Variants in NPSR1 observed in about 807,000 individuals in gnomAD.
NPSR1 encodes neuropeptide S receptor.
In NPSR1, 48 loss-of-function variants were observed where a neutral mutation model predicts 46.9. The observed-to-expected ratio is 1.02, with a 90% CI of 0.81 to 1.30. The LOEUF (loss-of-function observed/expected upper bound fraction) is 1.30, where lower values mean the gene tolerates loss of function less well. NPSR1 is among the 50% of genes most tolerant of loss of function. The pLI is 0.00. For missense variants in NPSR1, 450 were observed against 449.5 expected (o/e 1.00, Z -0.01); for synonymous variants, 176 against 168.1 (o/e 1.05, Z -0.36).
chr7:34,871,798 C>A (rs1405513306), intron 8 of NPSR1, among the ~76,000 whole-genome samples: 6 of 151,944 alleles, frequency 3.9e-5, no homozygotes, highest in Non-Finnish European at 5.9e-5. Context: ...TGGGTGGGCT[C>A]CCAAGGCCTT....
At chr7:34,830,950 C>T (rs1584114019) in intron 5 of NPSR1, among the ~76,000 whole-genome samples, 1 of 152,170 alleles carries the variant, frequency 6.6e-6, no homozygotes, top group Non-Finnish European at 1.5e-5. Flanking sequence ...CCAAGCTCAC[C>T]TTGCCTTGTT....
chr7:34,794,226 T>C (rs1788072352), intron 3 of NPSR1, among the ~76,000 whole-genome samples: 1 of 152,170 alleles, frequency 6.6e-6, no homozygotes, highest in Non-Finnish European at 1.5e-5. Context: ...GGATTTTAAA[T>C]GTTCTCACCA....
chr7:34,755,666 G>A (rs1019033404), intron 2 of NPSR1, among the ~76,000 whole-genome samples: 1 of 151,744 alleles, frequency 6.6e-6, no homozygotes, highest in South Asian at 2.1e-4. Flanking sequence ...TTTATTATTT[G>A]TGCTACCTGA....
chr7:34,802,029 A>G (rs2128747639), intron 3 of NPSR1, among the ~76,000 whole-genome samples: 1 of 149,654 alleles, frequency 6.7e-6, no homozygotes, highest in African/African-American at 2.6e-5. Flanking sequence ...GACCTCTTCA[A>G]GGAGAACTAC....
intron 2 of NPSR1, among the ~76,000 whole-genome samples, chr7:34,710,267 C>A (rs1783209752): frequency 6.6e-6 from 1 of 152,106 alleles, no homozygotes; most frequent in South Asian, 2.1e-4. Context: ...TGGATTATTC[C>A]CAATTCTTTT....
chr7:34,779,855 A>C (rs1051296191), intron 3 of NPSR1: 1 of 181,074 alleles, frequency 5.5e-6, no homozygotes, highest in Admixed American at 6.2e-5. Context: ...CTATTAGTCA[A>C]GAATTCAGGA....
At chr7:34,740,365 C>T (rs1389345447) in intron 2 of NPSR1, among the ~76,000 whole-genome samples, 1 of 151,540 alleles carries the variant, frequency 6.6e-6, no homozygotes, top group Non-Finnish European at 1.5e-5. Context: ...TCAGTACTTC[C>T]CCACCTGTGG....
chr7:34,756,746 C>T (rs570070824), intron 2 of NPSR1, among the ~76,000 whole-genome samples: 4 of 152,298 alleles, frequency 2.6e-5, no homozygotes, highest in South Asian at 4.1e-4. Flanking sequence ...CAAAGTCTAG[C>T]GACCTGAATT....
At chr7:34,838,599 G>T (rs1790460689) in intron 6 of NPSR1, among the ~76,000 whole-genome samples, 1 of 152,182 alleles carries the variant, frequency 6.6e-6, no homozygotes, top group Non-Finnish European at 1.5e-5. Context: ...AGTGTGAACA[G>T]AAGCTCACTT....
intron 2 of NPSR1, among the ~76,000 whole-genome samples, chr7:34,771,270 A>G (rs980896644): frequency 6.6e-6 from 1 of 152,146 alleles, no homozygotes; most frequent in Non-Finnish European, 1.5e-5. Context: ...TCCCGTCTCT[A>G]TGAAAATTTT....
Position 34,848,415 on chromosome 7 carries a change from C to T in NPSR1, c.845-68C>T, listed in dbSNP as rs1316503250. On this transcript the variant is annotated intron_variant, in intron 7 of 8. Coordinates refer to ENST00000360581, the MANE Select transcript of NPSR1 (RefSeq NM_207172.2). ...AGAACCTCTCAGGTAAAAGTCCAGT[C>T]AGGACCAACCAAAAGAGACCCCTCA... 3.5e-6 allele frequency: 5 copies of T among 1,423,720 alleles called. No individual in the cohort carries two copies. The East Asian group carries it at 9.1e-5, about 26-fold the overall frequency. The allele number at this position is 1,423,720 out of a possible 1,614,324, so 88.2% of individuals were successfully genotyped here.
intron 3 of NPSR1, among the ~76,000 whole-genome samples, chr7:34,787,178 T>A (rs1787502462): frequency 6.6e-6 from 1 of 152,286 alleles, no homozygotes; most frequent in East Asian, 1.9e-4. Flanking sequence ...ATATTCTGGA[T>A]AACTTAATGC....
intron 2 of NPSR1, among the ~76,000 whole-genome samples, chr7:34,773,358 AG>A (rs1217690273): frequency 6.6e-6 from 1 of 152,206 alleles, no homozygotes; most frequent in African/African-American, 2.4e-5. Context: ...TCTAGGATCA[AG>A]AGCTATCCTA....
rs1028471098 is a variant in NPSR1, at chr7:34,725,102, CACACACACACACACACACACACAG to C, written c.280+40433_280+40456del. Among the ~76,000 whole-genome samples the C allele has an allele frequency of 8.5e-4, 93 of 109,990 alleles. 2 individuals are homozygous for C. In the South Asian group the frequency reaches 0.023, roughly 27 times the overall value. 72.2% of individuals were successfully genotyped at this position (109,990 alleles called of 152,430 possible). A position where few individuals can be genotyped will look rare whatever the true frequency, so the allele number is the denominator to read the frequency against. On this transcript the variant is annotated intron_variant, in intron 2 of 8. Transcript: ENST00000360581. ...AAGTACCCACACACACACAGACTCA[CACACACACACACACACACACACAG>C]ACACACACACACACTCACACACACA...
At chr7:34,752,002 C>A in intron 2 of NPSR1, 1 of 810,812 alleles carries the variant, frequency 1.2e-6, no homozygotes. Context: ...TTGGCGATGG[C>A]ATGGCACACC....
chr7:34,874,729 T>C (rs13307778), intron 8 of NPSR1, among the ~76,000 whole-genome samples: 1 of 151,954 alleles, frequency 6.6e-6, no homozygotes, highest in African/African-American at 2.4e-5. Context: ...TAATTTAAAG[T>C]GAGCAGAGCC....
intron 2 of NPSR1, among the ~76,000 whole-genome samples, chr7:34,702,044 G>C (rs1167882209): frequency 1.3e-5 from 2 of 152,184 alleles, no homozygotes; most frequent in Non-Finnish European, 2.9e-5. Context: ...AGGTAATCCA[G>C]GGCTCGTGCT....
intron 8 of NPSR1, among the ~76,000 whole-genome samples, chr7:34,871,822 C>T (rs1268749522): frequency 6.6e-6 from 1 of 151,934 alleles, no homozygotes; most frequent in Non-Finnish European, 1.5e-5. Context: ...CAGACCCACC[C>T]CTGTGGCTTT....
intron 2 of NPSR1, among the ~76,000 whole-genome samples, chr7:34,773,751 A>G (rs1310742711): frequency 2.0e-5 from 3 of 152,320 alleles, no homozygotes; most frequent in African/African-American, 4.8e-5. Flanking sequence ...GCTCTCTGCC[A>G]CTGTGGCCAC....
Sources: allele counts gnomAD v4.1 joint callset (sites outside exome capture counted in the v4.1 genomes callset), GRCh38; gene constraint gnomAD v4.1.1; transcripts MANE v1.5; gene names NCBI Gene and HGNC (gene_info 2026-07-23, HGNC 2026-07-21).